The following TAFA1 variants were observed in gnomAD, a reference collection of about 807,000 sequenced individuals.
TAFA1 encodes the protein TAFA chemokine like family member 1.
A neutral mutation model predicts 18.5 loss-of-function variants in TAFA1; 4 were observed. The ratio of observed to expected loss-of-function variants is 0.22; its 90% CI spans 0.11 to 0.49. The LOEUF is 0.49. Among genes scored for constraint, TAFA1 ranks in the 20% least tolerant of loss-of-function variants. The pLI is 0.98. For missense variants in TAFA1, 147 were observed against 169.0 expected (o/e 0.87, Z 0.72); for synonymous variants, 56 against 55.2 (o/e 1.01, Z -0.06).
chr3:68,185,569 T>C (rs1448767856), intron 2 of TAFA1, among the ~76,000 whole-genome samples: 1 of 152,118 alleles, frequency 6.6e-6, no homozygotes, highest in East Asian at 1.9e-4. Flanking sequence ...TGTATCGCTA[T>C]GTAAATGCAA....
intron 2 of TAFA1, among the ~76,000 whole-genome samples, chr3:68,399,626 A>G (rs2070449197): frequency 6.6e-6 from 1 of 152,160 alleles, no homozygotes; most frequent in African/African-American, 2.4e-5. Context: ...CAATAATTTC[A>G]TAATAATGGA....
At position 68,295,068 on chromosome 3, in the gene TAFA1, T is replaced by C. The variant is rs944115269; in HGVS notation, c.119-122212T>C. Among the ~76,000 whole-genome samples, 10 of 152,272 alleles carry C rather than the reference T, an allele frequency of 6.6e-5. No individual in the cohort carries two copies. The East Asian group carries it at 1.5e-3, about 24-fold the overall frequency. On this transcript the variant is annotated intron_variant, in intron 2 of 4. Transcript: ENST00000478136. Reference sequence around the variant, plus strand: ...TGTCTTTGCACAATTCACTATGTTCTCTAAGCCTCAGTTTTGTCCCCTTCG... The same window carrying C: ...TGTCTTTGCACAATTCACTATGTTCCCTAAGCCTCAGTTTTGTCCCCTTCG...
intron 2 of TAFA1, among the ~76,000 whole-genome samples, chr3:68,162,836 C>T (rs570497458): frequency 6.6e-6 from 1 of 152,266 alleles, no homozygotes; most frequent in Admixed American, 6.5e-5. Context: ...TTCTAGTGCA[C>T]TCTATGTCCA....
At chr3:68,510,969 A>C (rs1222248381) in intron 3 of TAFA1, among the ~76,000 whole-genome samples, 2 of 152,148 alleles carry the variant, frequency 1.3e-5, no homozygotes, top group African/African-American at 4.8e-5. Context: ...AAGATTTTAC[A>C]CGTTTTGATT....
chr3:68,320,487 C>T (rs2068682181), intron 2 of TAFA1, among the ~76,000 whole-genome samples: 1 of 152,108 alleles, frequency 6.6e-6, no homozygotes, highest in Non-Finnish European at 1.5e-5. Flanking sequence ...GTGTTTTTCC[C>T]TCTCTGTCAT....
intron 2 of TAFA1, among the ~76,000 whole-genome samples, chr3:68,346,835 G>A (rs1462243829): frequency 6.6e-6 from 1 of 152,134 alleles, no homozygotes; most frequent in Non-Finnish European, 1.5e-5. Flanking sequence ...CAAGACACAA[G>A]AAACAAAATG....
chr3:68,521,013 A>G (rs2073012537), intron 3 of TAFA1, among the ~76,000 whole-genome samples: 1 of 152,202 alleles, frequency 6.6e-6, no homozygotes, highest in Non-Finnish European at 1.5e-5. Context: ...AGCTTTGACA[A>G]TAAGAATTGA....
chr3:68,071,924 C>A (rs2064760196), intron 2 of TAFA1, among the ~76,000 whole-genome samples: 2 of 151,676 alleles, frequency 1.3e-5, no homozygotes, highest in African/African-American at 4.8e-5. Flanking sequence ...ATGTCCCAAA[C>A]ACCTCCCACC....
At chr3:68,404,851 T>C (rs1462329219) in intron 2 of TAFA1, among the ~76,000 whole-genome samples, 1 of 151,842 alleles carries the variant, frequency 6.6e-6, no homozygotes, top group East Asian at 1.9e-4. Context: ...GATCAGTTTA[T>C]GGCTCAGCAA....
intron 2 of TAFA1, among the ~76,000 whole-genome samples, chr3:68,335,148 G>T (rs2068949943): frequency 1.3e-5 from 2 of 152,156 alleles, no homozygotes; most frequent in African/African-American, 4.8e-5. Flanking sequence ...TTATTTATAA[G>T]AGCGTTTGGT....
rs1333709030 is a variant in TAFA1 at position 68,254,176 on chromosome 3, T to TCTATCTATCTATCTAC, written c.119-163093_119-163092insTCTACCTATCTATCTA. Among the ~76,000 whole-genome samples, 34 of 149,840 alleles carry TCTATCTATCTATCTAC rather than the reference T, an allele frequency of 2.3e-4. No individual in the cohort carries two copies. In the East Asian group the frequency reaches 6.7e-3, roughly 29 times the overall value. On this transcript the variant is annotated intron_variant, in intron 2 of 4. Coordinates refer to ENST00000478136, the MANE Select transcript of TAFA1 (RefSeq NM_213609.4). ...ATCTATCTGTCTATCTATCTATCTA[T>TCTATCTATCTATCTAC]CTATCTATCTAATCTGTCTATCCAT...
chr3:68,061,094 C>T (rs2064596670), intron 2 of TAFA1, among the ~76,000 whole-genome samples: 1 of 152,150 alleles, frequency 6.6e-6, no homozygotes, highest in Admixed American at 6.6e-5. Flanking sequence ...TAAATATCTG[C>T]CTAAACCGAG....
chr3:68,368,864 C>A (rs990732049), intron 2 of TAFA1, among the ~76,000 whole-genome samples: 2 of 152,144 alleles, frequency 1.3e-5, no homozygotes, highest in African/African-American at 2.4e-5. Context: ...ATTCTGAATT[C>A]GTTGCTTATA....
At chr3:68,052,851 A>G (rs1421171246) in intron 2 of TAFA1, among the ~76,000 whole-genome samples, 1 of 152,214 alleles carries the variant, frequency 6.6e-6, no homozygotes, top group Non-Finnish European at 1.5e-5. Flanking sequence ...TATGTGACTT[A>G]CTAATTAATA....
chr3:68,067,259 T>A (rs2064690578), intron 2 of TAFA1, among the ~76,000 whole-genome samples: 2 of 152,198 alleles, frequency 1.3e-5, no homozygotes, highest in African/African-American at 2.4e-5. Flanking sequence ...CCTCTTTAAT[T>A]GTCCCAGAGC....
At chr3:68,355,640 T>C (rs540333843) in intron 2 of TAFA1, among the ~76,000 whole-genome samples, 1 of 152,022 alleles carries the variant, frequency 6.6e-6, no homozygotes, top group South Asian at 2.1e-4. Context: ...ATTGTGAACA[T>C]GGTAAAGAGC....
At chr3:68,446,939 G>C (rs1463930341) in intron 3 of TAFA1, among the ~76,000 whole-genome samples, 1 of 152,146 alleles carries the variant, frequency 6.6e-6, no homozygotes, top group Admixed American at 6.6e-5. Context: ...TCACTGTACT[G>C]TGCTTTACCT....
At position 68,415,410 on chromosome 3, in the gene TAFA1, G is replaced by A. The variant is rs183249435; in HGVS notation, c.119-1870G>A. The stretch of plus-strand genomic sequence containing the variant: ...GCTAATAGAATGAACAAAGGTGGAC[G>A]TGAGGAGCATTCTCTAAGGAACTGA... On this transcript the variant is annotated intron_variant, in intron 2 of 4. Coordinates refer to ENST00000478136, the MANE Select transcript of TAFA1 (RefSeq NM_213609.4). 6.6e-5 allele frequency among the ~76,000 whole-genome samples: 10 copies of A among 152,262 alleles called. No individual in the cohort carries two copies. The South Asian group carries it at 1.5e-3, about 22-fold the overall frequency.
intron 3 of TAFA1, among the ~76,000 whole-genome samples, chr3:68,419,281 T>C (rs900287954): frequency 1.3e-5 from 2 of 152,186 alleles, no homozygotes; most frequent in South Asian, 4.1e-4. Context: ...TCAGGGATCA[T>C]TGTGGGGCAC....
Sources: allele counts gnomAD v4.1 joint callset (sites outside exome capture counted in the v4.1 genomes callset), GRCh38; gene constraint gnomAD v4.1.1; transcripts MANE v1.5; gene names NCBI Gene and HGNC (gene_info 2026-07-23, HGNC 2026-07-21).